The following AGBL1 variants were observed in gnomAD, a reference collection of about 807,000 sequenced individuals.
The protein encoded by AGBL1 is AGBL carboxypeptidase 1.
In AGBL1, 130 loss-of-function variants were observed where a neutral mutation model predicts 118.9. The observed-to-expected ratio is 1.09, with a 90% CI of 0.95 to 1.26. The LOEUF is 1.26. Among genes scored for constraint, AGBL1 ranks in the 50% most tolerant of loss-of-function variants. The pLI is 0.00. For synonymous variants in AGBL1, 555 were observed against 478.9 expected, an observed-to-expected ratio of 1.16 and a Z score of -2.08; for missense variants, 1,584 against 1,298.1, an observed-to-expected ratio of 1.22 and a Z score of -3.38.
chr15:86,275,997 C>A (rs529418626), intron 15 of AGBL1, among the ~76,000 whole-genome samples: 2 of 152,044 alleles, frequency 1.3e-5, no homozygotes, highest in African/African-American at 4.8e-5. Context: ...AGATAAAACA[C>A]GTGTAAAGGT....
intron 22 of AGBL1, among the ~76,000 whole-genome samples, chr15:86,862,116 ACTT>A (rs982078265): frequency 7.2e-5 from 11 of 152,156 alleles, no homozygotes; most frequent in African/African-American, 2.7e-4. Context: ...AACAGTACCT[ACTT>A]CTTAGAATCA....
chr15:86,474,256 G>A (rs944646361), intron 18 of AGBL1, among the ~76,000 whole-genome samples: 81 of 152,284 alleles, frequency 5.3e-4, no homozygotes, highest in African/African-American at 1.9e-3. Flanking sequence ...CCAACTGAGT[G>A]TCAGCCGAAG....
chr15:86,301,861 A>C (rs1341097353), intron 17 of AGBL1, among the ~76,000 whole-genome samples: 1 of 152,148 alleles, frequency 6.6e-6, no homozygotes, highest in East Asian at 1.9e-4. Flanking sequence ...TTGTATTGAC[A>C]CAGCTTTGCT....
chr15:86,540,612 C>T (rs2083481546), intron 19 of AGBL1, among the ~76,000 whole-genome samples: 1 of 151,910 alleles, frequency 6.6e-6, no homozygotes, highest in Non-Finnish European at 1.5e-5. Context: ...TATTGATTAA[C>T]CTGTAAATAT....
chr15:86,488,204 C>T (rs986987812), intron 18 of AGBL1, among the ~76,000 whole-genome samples: 2 of 151,976 alleles, frequency 1.3e-5, no homozygotes, highest in African/African-American at 2.4e-5. Flanking sequence ...AATGGCTAGA[C>T]GTATAGGTCT....
intron 15 of AGBL1, among the ~76,000 whole-genome samples, chr15:86,273,627 G>A (rs2079196994): frequency 2.0e-5 from 3 of 152,136 alleles, no homozygotes; most frequent in Non-Finnish European, 1.5e-5. Flanking sequence ...CTTTAGAAGA[G>A]TTCTTTGCTT....
intron 5 of AGBL1, among the ~76,000 whole-genome samples, chr15:86,212,995 G>A (rs745941849): frequency 6.6e-6 from 1 of 152,066 alleles, no homozygotes; most frequent in Admixed American, 6.6e-5. Context: ...TTTTAATGAC[G>A]ATCTTAATTT....
At chr15:86,364,032 T>G (rs185252523) in intron 17 of AGBL1, among the ~76,000 whole-genome samples, 2 of 152,300 alleles carry the variant, frequency 1.3e-5, no homozygotes, top group Admixed American at 1.3e-4. Context: ...TCTATTTTAG[T>G]GTGATGCCTA....
At chr15:86,409,392 T>C (rs1416064189) in intron 18 of AGBL1, among the ~76,000 whole-genome samples, 3 of 152,172 alleles carry the variant, frequency 2.0e-5, no homozygotes, top group Admixed American at 1.3e-4. Context: ...TGCATAGTGT[T>C]AAATGATGCA....
chr15:87,007,627 A>G (rs978666961), intron 24 of AGBL1, among the ~76,000 whole-genome samples: 3 of 152,180 alleles, frequency 2.0e-5, no homozygotes, highest in Admixed American at 6.6e-5. Context: ...TTGGGAGGGA[A>G]AATATAAAGG....
chr15:86,299,417 C>A (rs1288897646), intron 17 of AGBL1, among the ~76,000 whole-genome samples: 1 of 152,092 alleles, frequency 6.6e-6, no homozygotes, highest in Non-Finnish European at 1.5e-5. Flanking sequence ...AGTTAGGAAG[C>A]CCAGGCCCTT....
intron 18 of AGBL1, among the ~76,000 whole-genome samples, chr15:86,436,968 G>A (rs1179933438): frequency 6.6e-6 from 1 of 151,350 alleles, no homozygotes; most frequent in Non-Finnish European, 1.5e-5. Flanking sequence ...TCTTGAAAAA[G>A]CATCATTGTG....
At chr15:86,640,707 G>A (rs920625255) in intron 21 of AGBL1, among the ~76,000 whole-genome samples, 47 of 152,154 alleles carry the variant, frequency 3.1e-4, no homozygotes, top group Non-Finnish European at 6.6e-4. Context: ...ATAAGTCATT[G>A]TCTACAGCCC....
At chr15:86,445,173 G>T (rs2082107021) in intron 18 of AGBL1, among the ~76,000 whole-genome samples, 2 of 152,166 alleles carry the variant, frequency 1.3e-5, no homozygotes, top group African/African-American at 4.8e-5. Context: ...CACTCAGCTT[G>T]ACTTGAAGCC....
At chr15:86,150,293 GAGAT>G (rs1195663347) in intron 3 of AGBL1, among the ~76,000 whole-genome samples, 6 of 152,164 alleles carry the variant, frequency 3.9e-5, no homozygotes, top group Non-Finnish European at 8.8e-5. Flanking sequence ...AGAACTGAAA[GAGAT>G]AGAGACACAA....
chr15:87,001,337 T>C (rs2081435234), intron 24 of AGBL1, among the ~76,000 whole-genome samples: 1 of 152,054 alleles, frequency 6.6e-6, no homozygotes, highest in Admixed American at 6.6e-5. Flanking sequence ...CTGCAAAGTA[T>C]TGCATGGTGT....
At chr15:86,522,743 G>A in intron 18 of AGBL1, 67 bp from the exon 19 acceptor site, 1 of 1,549,514 alleles carries the variant, frequency 6.5e-7, no homozygotes, top group South Asian at 1.2e-5. Context: ...TTATCTTGTG[G>A]AGCTTTATTT....
intron 23 of AGBL1, among the ~76,000 whole-genome samples, chr15:86,942,464 T>C (rs1596656673): frequency 6.6e-6 from 1 of 152,312 alleles, no homozygotes; most frequent in South Asian, 2.1e-4. Context: ...GCTTCTTAGG[T>C]TATTCATTGT....
intron 21 of AGBL1, among the ~76,000 whole-genome samples, chr15:86,600,280 G>A (rs1261563728): frequency 6.6e-6 from 1 of 152,058 alleles, no homozygotes; most frequent in Non-Finnish European, 1.5e-5. Context: ...ACATTGACAT[G>A]GTTATTTCTT....
Sources: allele counts gnomAD v4.1 joint callset (sites outside exome capture counted in the v4.1 genomes callset), GRCh38; gene constraint gnomAD v4.1.1; transcripts MANE v1.5; gene names NCBI Gene and HGNC (gene_info 2026-07-23, HGNC 2026-07-21).